EFCAB11: variants seen among roughly 807,000 people sequenced by gnomAD.
The protein encoded by EFCAB11 is EF-hand calcium-binding domain-containing protein 11.
A neutral mutation model predicts 23.0 loss-of-function variants in EFCAB11; 14 were observed. That is an observed-to-expected ratio of 0.61 (90% CI 0.40 to 0.95). The LOEUF (loss-of-function observed/expected upper bound fraction) is 0.95, where lower values mean the gene tolerates loss of function less well. Ranked by LOEUF, EFCAB11 falls within the 40% of genes least tolerant of loss-of-function variation. The probability of loss-of-function intolerance (pLI) is 0.00; values close to 1 mark genes in which losing one functional copy is unlikely to be tolerated. For synonymous variants in EFCAB11, 65 were observed against 66.6 expected (o/e 0.98, Z 0.11); for missense variants, 198 against 195.8 (o/e 1.01, Z -0.07).
rs958109372 is a variant in EFCAB11, at chr14:89,952,359, G to A, written c.171+1547C>T. On this transcript the variant is annotated intron_variant, in intron 2 of 5. Transcript: ENST00000316738. ...AAAATTGAAACCAAATAGACTCAAG[G>A]GTGATAAAGGCAAAAATGAGACAAG... The A allele has an allele frequency of 4.1e-6, 4 of 978,980 alleles. No individual in the cohort carries two copies. The African/African-American group carries it at 5.3e-5, about 13-fold the overall frequency. 60.6% of individuals were successfully genotyped at this position (978,980 alleles called of 1,614,324 possible).
chr14:89,891,923 ACGGTG>A (rs1208062265), intron 5 of EFCAB11, among the ~76,000 whole-genome samples: 2 of 151,920 alleles, frequency 1.3e-5, no homozygotes, highest in African/African-American at 4.8e-5. Flanking sequence ...GCCCGAGCCC[ACGGTG>A]GGCGCCGAGT....
chr14:89,856,864 C>T (rs1887770741), intron 5 of EFCAB11, among the ~76,000 whole-genome samples: 1 of 152,082 alleles, frequency 6.6e-6, no homozygotes, highest in Non-Finnish European at 1.5e-5. Flanking sequence ...TTGCAAAAGC[C>T]AGCTTATTTT....
chr14:89,884,925 C>T (rs1888707225), intron 5 of EFCAB11, among the ~76,000 whole-genome samples: 1 of 152,240 alleles, frequency 6.6e-6, no homozygotes, highest in South Asian at 2.1e-4. Context: ...CACAGCCAGG[C>T]AGGCAGCCAT....
intron 5 of EFCAB11, among the ~76,000 whole-genome samples, chr14:89,881,543 G>A (rs1266888292): frequency 4.9e-5 from 7 of 142,894 alleles, no homozygotes; most frequent in African/African-American, 1.8e-4. Flanking sequence ...TGCCTCCCAG[G>A]TTCAAGTGAT....
At chr14:89,940,008 A>T (rs907364832) in intron 3 of EFCAB11, among the ~76,000 whole-genome samples, 81 of 152,210 alleles carry the variant, frequency 5.3e-4, no homozygotes, top group African/African-American at 1.9e-3. Context: ...AAGTGCTGGG[A>T]TTACAGGCGT....
At chr14:89,808,216 T>G (rs992050093) in intron 5 of EFCAB11, among the ~76,000 whole-genome samples, 10 of 152,184 alleles carry the variant, frequency 6.6e-5, no homozygotes, top group Non-Finnish European at 4.4e-5. Context: ...GAACGAAGAC[T>G]AGCCATTGCT....
intron 5 of EFCAB11, chr14:89,829,997 T>TA (rs1170577175): frequency 6.6e-6 from 1 of 152,180 alleles, no homozygotes; most frequent in African/African-American, 2.4e-5. Flanking sequence ...GGCTCCATCT[T>TA]AGATAAAATT....
intron 5 of EFCAB11, among the ~76,000 whole-genome samples, chr14:89,871,359 A>G (rs891319931): frequency 2.4e-4 from 37 of 152,148 alleles, no homozygotes; most frequent in African/African-American, 8.9e-4. Context: ...TATAACTATT[A>G]TCTGAAAGAG....
At chr14:89,839,510 A>G (rs1887190724) in intron 5 of EFCAB11, among the ~76,000 whole-genome samples, 1 of 152,160 alleles carries the variant, frequency 6.6e-6, no homozygotes, top group Non-Finnish European at 1.5e-5. Flanking sequence ...TGTGTTAAGA[A>G]ATGGAACATG....
intron 5 of EFCAB11, among the ~76,000 whole-genome samples, chr14:89,823,666 CA>C (rs1430610081): frequency 6.6e-6 from 1 of 151,980 alleles, no homozygotes; most frequent in African/African-American, 2.4e-5. Flanking sequence ...AATTAGTTGA[CA>C]AGAACTTTTA....
At chr14:89,891,320 T>A (rs1007312000) in intron 5 of EFCAB11, among the ~76,000 whole-genome samples, 2 of 152,174 alleles carry the variant, frequency 1.3e-5, no homozygotes, top group African/African-American at 4.8e-5. Context: ...AATAAATAAC[T>A]TGAAGTGACT....
rs537257199 is a variant in EFCAB11 at position 89,866,038 on chromosome 14, G to A, written c.410+65503C>T. On this transcript the variant is annotated intron_variant, in intron 5 of 5. Coordinates refer to ENST00000316738, the MANE Select transcript of EFCAB11 (RefSeq NM_145231.4). ...GAGCTCAAGTGATCCGCCCACCTCAGCCTTCCAAAGTGCCGGGATTACAGG... is the reference window on the plus strand; with the variant it reads ...GAGCTCAAGTGATCCGCCCACCTCAACCTTCCAAAGTGCCGGGATTACAGG... Among the ~76,000 whole-genome samples, 8 of 152,182 alleles carry A rather than the reference G, an allele frequency of 5.3e-5. No homozygotes were observed. In the South Asian group the frequency reaches 1.7e-3, roughly 32 times the overall value.
chr14:89,890,353 A>G (rs987685902), intron 5 of EFCAB11, among the ~76,000 whole-genome samples: 3 of 152,228 alleles, frequency 2.0e-5, no homozygotes, highest in African/African-American at 7.2e-5. Flanking sequence ...ACTTGGTCAT[A>G]TTCTTTAAAC....
At chr14:89,870,301 GA>G (rs1325474649) in intron 5 of EFCAB11, among the ~76,000 whole-genome samples, 1 of 152,128 alleles carries the variant, frequency 6.6e-6, no homozygotes, top group Non-Finnish European at 1.5e-5. Context: ...TACTATCTAA[GA>G]AAGGTAAAAC....
At chr14:89,840,566 T>C (rs1252933333) in intron 5 of EFCAB11, among the ~76,000 whole-genome samples, 3 of 152,228 alleles carry the variant, frequency 2.0e-5, no homozygotes, top group Non-Finnish European at 4.4e-5. Flanking sequence ...GAATCTGGAA[T>C]GTTAATTATG....
At chr14:89,922,317 G>A (rs1890044532) in intron 5 of EFCAB11, among the ~76,000 whole-genome samples, 1 of 152,214 alleles carries the variant, frequency 6.6e-6, no homozygotes, top group Non-Finnish European at 1.5e-5. Flanking sequence ...CTATATTCAT[G>A]CTGTGGTGGA....
intron 5 of EFCAB11, among the ~76,000 whole-genome samples, chr14:89,832,802 C>T (rs916856270): frequency 6.6e-6 from 1 of 152,120 alleles, no homozygotes; most frequent in Non-Finnish European, 1.5e-5. Flanking sequence ...AACAGAAAGG[C>T]TGTGTGGGTA....
intron 5 of EFCAB11, 77 bp from the exon 6 acceptor site, chr14:89,797,401 A>G: frequency 7.6e-7 from 1 of 1,317,774 alleles, no homozygotes; most frequent in African/African-American, 1.5e-5. Context: ...TAGAATCTTT[A>G]TTTATTTGCA....
intron 3 of EFCAB11, among the ~76,000 whole-genome samples, chr14:89,940,901 TGTTA>T (rs1379576878): frequency 6.6e-5 from 10 of 152,312 alleles, no homozygotes; most frequent in African/African-American, 1.9e-4. Context: ...TCTTAGCTGT[TGTTA>T]TTTATATAGA....
Sources: gnomAD v4.1 joint callset for allele counts (sites outside exome capture counted in the v4.1 genomes callset) on GRCh38, gnomAD v4.1.1 for gene constraint, MANE v1.5 for transcripts, NCBI Gene and HGNC (gene_info 2026-07-23, HGNC 2026-07-21) for gene names.